Variants in VWF observed in about 807,000 individuals in gnomAD.
VWF encodes von Willebrand factor, also known as Factor VIII related antigen.
VWF carries 176 observed loss-of-function variants against 308.6 expected under a neutral mutation model. That is an observed-to-expected ratio of 0.57 (90% confidence interval 0.50 to 0.65). The LOEUF (loss-of-function observed/expected upper bound fraction) is 0.65, where lower values mean the gene tolerates loss of function less well. Ranked by LOEUF, VWF falls within the 30% of genes least tolerant of loss-of-function variation. VWF has a pLI of 0.00. For missense variants in VWF, 3,146 were observed against 3,648.2 expected (o/e 0.86, Z 3.55); for synonymous variants, 1,385 against 1,443.4 (o/e 0.96, Z 0.92).
intron 6 of VWF, 42 bp downstream of exon 6, chr12:6,095,418 A>G (rs1278517988): frequency 1.2e-6 from 2 of 1,613,576 alleles, no homozygotes; most frequent in African/African-American, 2.7e-5. Context: ...AGATCCAGAA[A>G]TCACACACCA....
chr12:5,966,287 A>ACG (rs982791424), intron 47 of VWF, among the ~76,000 whole-genome samples: 3 of 151,872 alleles, frequency 2.0e-5, no homozygotes, highest in African/African-American at 7.3e-5. Flanking sequence ...ACACACACAC[A>ACG]CACGCACACA....
intron 7 of VWF, among the ~76,000 whole-genome samples, chr12:6,074,688 G>A (rs1158018923): frequency 3.9e-5 from 6 of 152,050 alleles, no homozygotes; most frequent in East Asian, 1.9e-4. Flanking sequence ...CTGCTTATCC[G>A]TCTGCATGGC....
intron 18 of VWF, among the ~76,000 whole-genome samples, chr12:6,039,459 C>T (rs1038750857): frequency 9.9e-5 from 15 of 152,184 alleles, no homozygotes; most frequent in Non-Finnish European, 1.9e-4. Flanking sequence ...ATTCTCCTAC[C>T]CCATCAGTAC....
intron 14 of VWF, among the ~76,000 whole-genome samples, chr12:6,057,323 T>C (rs867068368): frequency 1.6e-5 from 2 of 125,924 alleles, no homozygotes; most frequent in South Asian, 2.3e-4. Context: ...TTTTTTTTTT[T>C]TTTTTTGGAG....
At chr12:6,111,446 C>T (rs528387994) in intron 3 of VWF, among the ~76,000 whole-genome samples, 21 of 152,260 alleles carry the variant, frequency 1.4e-4, no homozygotes, top group East Asian at 1.9e-4. Context: ...GAACATGGCT[C>T]GCTGCAGTTT....
Position 5,981,787 on chromosome 12 carries a change from T to TTACC in VWF, c.7285_7286insGGTA (p.Lys2429ArgfsTer2). ...AGTTAATAGCCAAGCAGTCCTTACC[T>TTACC]TGTCGGGAAGGCAGGTGGTTGTGGT... is the stretch of plus-strand genomic sequence containing the variant. On this transcript the variant is annotated stop_gained and frameshift_variant and splice_region_variant, in exon 42 of 52. Transcript: ENST00000261405. LOFTEE classifies it high-confidence loss of function. 6.2e-7 allele frequency: 1 copy of TTACC among 1,614,062 alleles called. No individual in the cohort carries two copies. The highest frequency in any genetic ancestry group is 8.5e-7 in the Non-Finnish European group (1 of 1,179,998).
chr12:6,110,523 T>C lies in VWF; in HGVS notation c.383A>G (p.Lys128Arg), dbSNP rs1945296746. The C allele has an allele frequency of 1.2e-6, 2 of 1,614,018 alleles. No individual in the cohort carries two copies. The highest frequency in any genetic ancestry group is 8.5e-7 in the Non-Finnish European group (1 of 1,180,034). Residue 128 changes from lysine to arginine, a missense_variant, in exon 5 of 52, where the codon AAG becomes AGG. Around this residue, in one of 3 missense-constraint regions of VWF, gnomAD observed 1,304 missense variants for 1,353.0 expected, o/e 0.96. Transcript: ENST00000261405. Reference protein sequence around the residue: ...LYLETEAGYYKLSGEAYGFVA... With the variant: ...LYLETEAGYYRLSGEAYGFVA... ...AAAGCCATAGGCCTCACCGGACAGC[T>C]TGTAGTACCCAGCCTCAGTTTCTAG...
At chr12:6,113,332 C>G (rs1945331437) in intron 3 of VWF, among the ~76,000 whole-genome samples, 1 of 148,450 alleles carries the variant, frequency 6.7e-6, no homozygotes, top group Non-Finnish European at 1.5e-5. Flanking sequence ...GAGTCTCGCT[C>G]TGTCGCCCAG....
chr12:6,052,429 A>G (rs1333436536), intron 16 of VWF, 114 bp downstream of exon 16: 1 of 1,530,002 alleles, frequency 6.5e-7, no homozygotes, highest in Non-Finnish European at 9.0e-7. Context: ...TGGACAAGTC[A>G]CTTCCTTCCT....
rs1184715763 is a variant in VWF, at chr12:6,016,782, G to A, written c.5142C>T (p.Ala1714=). 2.4e-5 allele frequency: 38 copies of A among 1,614,120 alleles called. No individual in the cohort carries two copies. Among genetic ancestry groups the A allele is most frequent in the Non-Finnish European group, 3.1e-5 (36 of 1,180,048 alleles). ...ASYFDEMKSF[A]KAFISKANIG... ...TATTGGCTTTTGAAATGAAAGCCTTGGCGAAACTCTTCATTTCATCAAAAT... is the reference window on the plus strand; with the variant it reads ...TATTGGCTTTTGAAATGAAAGCCTTAGCGAAACTCTTCATTTCATCAAAAT... The change falls in exon 29 of 52, where the codon GCC becomes GCT. Residue 1714 remains alanine (A), a synonymous_variant. Transcript: ENST00000261405.
intron 18 of VWF, among the ~76,000 whole-genome samples, chr12:6,040,345 G>C (rs937369559): frequency 6.6e-6 from 1 of 152,162 alleles, no homozygotes; most frequent in African/African-American, 2.4e-5. Flanking sequence ...GCAGGTCTCA[G>C]AAAGTGAACA....
At chr12:5,982,110 G>A (rs1591841689) in intron 41 of VWF, 119 bp from the exon 42 acceptor site, 1 of 924,242 alleles carries the variant, frequency 1.1e-6, no homozygotes, top group South Asian at 1.5e-5. Flanking sequence ...AAATGTGTGA[G>A]GGCCAAGCTC....
At chr12:6,113,689 A>G (rs1945335227) in intron 3 of VWF, among the ~76,000 whole-genome samples, 1 of 152,222 alleles carries the variant, frequency 6.6e-6, no homozygotes, top group African/African-American at 2.4e-5. Flanking sequence ...ACTTTTCTGT[A>G]TGTTTCAAAA....
chr12:5,954,341 C>T (rs1196030668), intron 47 of VWF, among the ~76,000 whole-genome samples: 1 of 152,168 alleles, frequency 6.6e-6, no homozygotes. Context: ...AACCTTCCTG[C>T]AGATGATGAT....
rs1045862076 is a variant in VWF at position 6,110,847 on chromosome 12, T to C, written c.323+19A>G. 6 of 1,612,034 alleles carry C rather than the reference T, an allele frequency of 3.7e-6. No homozygotes were observed. The African/African-American group carries it at 8.0e-5, about 22-fold the overall frequency. ...GGGGATCCCTAGGGTCCTTTCTAACTCAGACATTGTTGGCTTACCTTTGGT... is the reference window on the plus strand; with the variant it reads ...GGGGATCCCTAGGGTCCTTTCTAACCCAGACATTGTTGGCTTACCTTTGGT... On this transcript the variant is annotated intron_variant, in intron 4 of 51. Transcript: ENST00000261405.
chr12:6,038,474 T>C (rs1172533953), intron 18 of VWF, among the ~76,000 whole-genome samples: 1 of 152,094 alleles, frequency 6.6e-6, no homozygotes, highest in African/African-American at 2.4e-5. Flanking sequence ...TTGGTCTGCA[T>C]GCTGCATGTT....
chr12:6,014,443 G>C (rs1018264450), intron 31 of VWF, among the ~76,000 whole-genome samples: 1 of 152,204 alleles, frequency 6.6e-6, no homozygotes, highest in Admixed American at 6.5e-5. Flanking sequence ...GGTGAGAGAT[G>C]ATGGGGACTC....
chr12:6,061,471 G>GAA (rs10559016), intron 13 of VWF, among the ~76,000 whole-genome samples: 3 of 121,364 alleles, frequency 2.5e-5, no homozygotes, highest in Non-Finnish European at 1.8e-5. Context: ...TTCATAAAAG[G>GAA]AAAAAAAAAA....
chr12:5,981,554 CAGG>C, intron 42 of VWF, among the ~76,000 whole-genome samples: 1 of 152,178 alleles, frequency 6.6e-6, no homozygotes, highest in Non-Finnish European at 1.5e-5. Flanking sequence ...AATTTCCACT[CAGG>C]CTGAGCTGGA....
Sources: allele counts gnomAD v4.1 joint callset (sites outside exome capture counted in the v4.1 genomes callset), GRCh38; gene constraint gnomAD v4.1.1; regional missense constraint gnomAD v4.1.1; transcripts MANE v1.5; gene names NCBI Gene and HGNC (gene_info 2026-07-23, HGNC 2026-07-21).